ZYG11B: variants seen among roughly 807,000 people sequenced by gnomAD.
ZYG11B encodes the protein protein zyg-11 homolog B.
Under a neutral mutation model 82.4 loss-of-function variants are expected in ZYG11B, and 36 were observed. The ratio of observed to expected loss-of-function variants is 0.44; its 90% CI spans 0.33 to 0.58. The LOEUF (loss-of-function observed/expected upper bound fraction) is 0.58. Ranked by LOEUF, ZYG11B falls within the 20% of genes least tolerant of loss-of-function variation. The pLI, the probability that ZYG11B is intolerant of heterozygous loss-of-function variation, is 0.02. For synonymous variants in ZYG11B, 303 were observed against 312.8 expected, an observed-to-expected ratio of 0.97 and a Z score of 0.33; for missense variants, 552 against 895.6, an observed-to-expected ratio of 0.62 and a Z score of 4.90.
chr1:52,813,990 A>G, intron 12 of ZYG11B, 78 bp downstream of exon 12: 5 of 1,397,122 alleles, frequency 3.6e-6, no homozygotes, highest in Non-Finnish European at 5.0e-6. Flanking sequence ...TACTAGATGC[A>G]TAATTTTTCC....
chr1:52,757,474 G>A (rs556894316), intron 2 of ZYG11B, among the ~76,000 whole-genome samples: 4 of 151,958 alleles, frequency 2.6e-5, no homozygotes, highest in Non-Finnish European at 5.9e-5. Flanking sequence ...TCAGGAGTTC[G>A]AGACCAGCCT....
intron 1 of ZYG11B, among the ~76,000 whole-genome samples, chr1:52,728,179 T>C (rs752905927): frequency 2.0e-5 from 3 of 152,204 alleles, no homozygotes; most frequent in Non-Finnish European, 4.4e-5. Flanking sequence ...TGATTCACTT[T>C]ATGGTCTCAT....
At position 52,815,283 on chromosome 1, in the gene ZYG11B, CTT is replaced by C. The variant is rs200065521; in HGVS notation, c.1947-1248_1947-1247del. 8.2e-3 allele frequency among the ~76,000 whole-genome samples: 1,243 copies of C among 152,194 alleles called. 17 individuals are homozygous for C. In the Middle Eastern group the frequency reaches 0.13, roughly 16 times the overall value. ...TTGAGAGACTGAGGTGGTAGTATCACTTGAGTTCAGGAGTTGCAGACTAGCCT... is the reference window on the plus strand; with the variant it reads ...TTGAGAGACTGAGGTGGTAGTATCACGAGTTCAGGAGTTGCAGACTAGCCT... On this transcript the variant is annotated intron_variant, in intron 12 of 13. Transcript: ENST00000294353.
At chr1:52,748,922 C>T (rs34129099) in intron 1 of ZYG11B, among the ~76,000 whole-genome samples, 67 of 146,754 alleles carry the variant, frequency 4.6e-4, no homozygotes, top group Non-Finnish European at 8.5e-4. Context: ...AAAAAATGGC[C>T]GGGCGTGGTT....
chr1:52,766,000 C>G (rs1316448893), intron 2 of ZYG11B, among the ~76,000 whole-genome samples: 1 of 151,676 alleles, frequency 6.6e-6, no homozygotes, highest in Non-Finnish European at 1.5e-5. Flanking sequence ...TACTGTTGAC[C>G]TCAAGCATTA....
chr1:52,732,903 GGC>G (rs1353779012), intron 1 of ZYG11B, among the ~76,000 whole-genome samples: 21 of 152,060 alleles, frequency 1.4e-4, no homozygotes, highest in Non-Finnish European at 2.9e-4. Flanking sequence ...GAACCCGGGG[GGC>G]GCGGAGGTTG....
chr1:52,796,989 T>A (rs1359100647), intron 8 of ZYG11B, among the ~76,000 whole-genome samples: 1 of 91,732 alleles, frequency 1.1e-5, no homozygotes, highest in African/African-American at 5.7e-5. Flanking sequence ...TATATATATT[T>A]TTTATATAAA....
chr1:52,734,509 G>A (rs775447814), intron 1 of ZYG11B, among the ~76,000 whole-genome samples: 85 of 151,588 alleles, frequency 5.6e-4, no homozygotes, highest in Non-Finnish European at 1.0e-3. Flanking sequence ...AATTAGCTGG[G>A]TGTGGTAGCG....
At chr1:52,776,229 A>AAAAAAAAAAAATATATAT in intron 3 of ZYG11B, among the ~76,000 whole-genome samples, 1 of 23,540 alleles carries the variant, frequency 4.2e-5, no homozygotes, top group African/African-American at 9.5e-5. Flanking sequence ...TAAAAAAAAA[A>AAAAAAAAAAAATATATAT]ATATATATAT....
intron 1 of ZYG11B, among the ~76,000 whole-genome samples, chr1:52,754,746 A>G (rs1489213913): frequency 6.6e-6 from 1 of 152,168 alleles, no homozygotes; most frequent in African/African-American, 2.4e-5. Flanking sequence ...TAATAGATAT[A>G]CATTGGTGTC....
At position 52,784,881 on chromosome 1, in the gene ZYG11B, TGG is replaced by T; in HGVS notation, c.1098_1099del (p.Val367TyrfsTer22). The T allele has an allele frequency of 6.2e-7, 1 of 1,612,806 alleles. No homozygotes were observed. Among genetic ancestry groups the T allele is most frequent in the Admixed American group, 1.7e-5 (1 of 59,380 alleles). Reference sequence around the variant, plus strand: ...GGACTAATTTTTTTTTTCCAGCTTGTGGTTACTGGGATGAGAAACCACCCTAT... The same window carrying T: ...GGACTAATTTTTTTTTTCCAGCTTGTTTACTGGGATGAGAAACCACCCTAT... On this transcript the variant is annotated frameshift_variant, in exon 5 of 14. Transcript: ENST00000294353. LOFTEE classifies it high-confidence loss of function.
At chr1:52,754,481 A>AGGGTTCT (rs1644554144) in intron 1 of ZYG11B, 1 of 152,200 alleles carries the variant, frequency 6.6e-6, no homozygotes, top group African/African-American at 2.4e-5. Context: ...TCCCGGGTTC[A>AGGGTTCT]AGCAATTCTC....
chr1:52,818,089 C>T (rs60701285), intron 13 of ZYG11B, among the ~76,000 whole-genome samples: 5,626 of 151,340 alleles, frequency 0.037, 326 homozygotes, highest in African/African-American at 0.13. Flanking sequence ...CCACCGACCT[C>T]GGCCTCCCAA....
chr1:52,771,450 C>T lies in ZYG11B; in HGVS notation c.627C>T (p.Asp209=), dbSNP rs760253970. The T allele has an allele frequency of 6.2e-7, 1 of 1,613,730 alleles. No homozygotes were observed. The highest frequency in any genetic ancestry group is 8.5e-7 in the Non-Finnish European group (1 of 1,179,928). ...TCACTGCTCTACTGGCCTGCAAAGA[C>T]CGACTCAAGTCTCTAACCATGCACC... The part of the protein sequence containing the change: ...TDITALLACK[D]RLKSLTMHHL... Residue 209 remains aspartate, a synonymous_variant, in exon 3 of 14, where the codon GAC becomes GAT. Transcript: ENST00000294353. The surrounding 1 kb of genome is among the most constrained non-coding windows in gnomAD (Gnocchi z 5.4).
At chr1:52,777,322 T>TA (rs1644818283) in intron 3 of ZYG11B, among the ~76,000 whole-genome samples, 1 of 152,204 alleles carries the variant, frequency 6.6e-6, no homozygotes, top group Non-Finnish European at 1.5e-5. Context: ...TCATGTGACA[T>TA]ATATCAATAC....
chr1:52,790,802 CTG>C (rs1166894708), intron 6 of ZYG11B, among the ~76,000 whole-genome samples: 1 of 45,156 alleles, frequency 2.2e-5, no homozygotes, highest in East Asian at 9.1e-4. Context: ...TGTAACATGT[CTG>C]TTATTATTAT....
intron 13 of ZYG11B, among the ~76,000 whole-genome samples, chr1:52,819,647 G>A (rs148125178): frequency 1.0e-3 from 157 of 151,668 alleles, no homozygotes; most frequent in African/African-American, 3.6e-3. Flanking sequence ...ATTAGCTGTG[G>A]GTTGTGGCAC....
chr1:52,803,527 G>A (rs958733978), intron 10 of ZYG11B, among the ~76,000 whole-genome samples: 4 of 150,662 alleles, frequency 2.7e-5, no homozygotes, highest in African/African-American at 9.8e-5. Flanking sequence ...ACATTAAAAG[G>A]AAAAATATAA....
chr1:52,816,780 CTTTTTTT>C (rs71044423), intron 13 of ZYG11B, 151 bp downstream of exon 13: 216 of 263,900 alleles, frequency 8.2e-4, no homozygotes, highest in East Asian at 2.4e-3. Flanking sequence ...TTAAGGTATT[CTTTTTTT>C]TTTTTTTTTT....
Sources: gnomAD v4.1 joint callset for allele counts (sites outside exome capture counted in the v4.1 genomes callset) on GRCh38, gnomAD v4.1.1 for gene constraint, Gnocchi (gnomAD v3.1) non-coding constraint, MANE v1.5 for transcripts, NCBI Gene and HGNC (gene_info 2026-07-23, HGNC 2026-07-21) for gene names.